Variants in MBLAC2 observed in about 807,000 individuals in gnomAD.
MBLAC2 encodes the protein metallo-beta-lactamase domain containing 2.
A neutral mutation model predicts 23.3 loss-of-function variants in MBLAC2; 24 were observed. The observed-to-expected ratio is 1.03, with a 90% confidence interval of 0.75 to 1.45. The LOEUF (loss-of-function observed/expected upper bound fraction) is 1.45. Among genes scored for constraint, MBLAC2 ranks in the 40% most tolerant of loss-of-function variants. The pLI, the probability that MBLAC2 is intolerant of heterozygous loss-of-function variation, is 0.00. For synonymous variants in MBLAC2, 162 were observed against 150.9 expected, an observed-to-expected ratio of 1.07 and a Z score of -0.54; for missense variants, 358 against 370.0, an observed-to-expected ratio of 0.97 and a Z score of 0.27.
At position 90,474,384 on chromosome 5, in the gene MBLAC2, G is replaced by A; in HGVS notation, c.-92C>T. 1 of 1,206,448 alleles carries A rather than the reference G, an allele frequency of 8.3e-7. No homozygotes were observed. The highest frequency in any genetic ancestry group is 1.2e-6 in the Non-Finnish European group (1 of 837,372). 74.7% of individuals were successfully genotyped at this position (1,206,448 alleles called of 1,614,324 possible). Reference sequence around the variant, plus strand: ...ACAGGGCACTGCGGCTGTGTGAAGCGGTCTGCCTGCAGCCAGGGAGGAGGC... The same window carrying A: ...ACAGGGCACTGCGGCTGTGTGAAGCAGTCTGCCTGCAGCCAGGGAGGAGGC... On this transcript the variant is annotated 5_prime_UTR_variant, in exon 1 of 2. Transcript: ENST00000316610.
At chr5:90,467,884 T>G (rs767982487) in intron 1 of MBLAC2, among the ~76,000 whole-genome samples, 74 of 152,212 alleles carry the variant, frequency 4.9e-4, no homozygotes, top group Non-Finnish European at 8.2e-4. Flanking sequence ...TTTTATCAGT[T>G]CTTGTAGTGA....
At chr5:90,472,993 ATTAT>A (rs1342358789) in intron 1 of MBLAC2, 13 of 152,330 alleles carry the variant, frequency 8.5e-5, no homozygotes, top group Non-Finnish European at 1.9e-4. Flanking sequence ...AATTAGCTCA[ATTAT>A]TTAAGTCCCT....
intron 1 of MBLAC2, chr5:90,473,357 G>A (rs1056605759): frequency 5.8e-6 from 2 of 344,632 alleles, no homozygotes; most frequent in African/African-American, 2.2e-5. Context: ...CTACAGGTGG[G>A]AACTGCCCAT....
intron 1 of MBLAC2, among the ~76,000 whole-genome samples, chr5:90,462,149 G>T (rs1750378536): frequency 1.3e-5 from 2 of 152,100 alleles, no homozygotes; most frequent in Admixed American, 6.6e-5. Flanking sequence ...CTTAATCTCT[G>T]ACCCAGGAAC....
chr5:90,474,491 C>A lies in MBLAC2; in HGVS notation c.-199G>T. 1.7e-6 allele frequency: 1 copy of A among 574,986 alleles called. No individual in the cohort carries two copies. The highest frequency in any genetic ancestry group is 2.2e-5 in the South Asian group (1 of 45,746). 35.6% of individuals were successfully genotyped at this position (574,986 alleles called of 1,614,324 possible). The stretch of plus-strand genomic sequence containing the variant: ...AGACCGACGCTGCCCGTAGCGTGCG[C>A]TCCCGCACCCTTCCGCCAGGTCGGC... On this transcript the variant is annotated 5_prime_UTR_variant, in exon 1 of 2. Coordinates refer to ENST00000316610, the MANE Select transcript of MBLAC2 (RefSeq NM_203406.2).
chr5:90,466,586 G>C (rs1750450300), intron 1 of MBLAC2, among the ~76,000 whole-genome samples: 1 of 152,068 alleles, frequency 6.6e-6, no homozygotes, highest in Non-Finnish European at 1.5e-5. Context: ...TTGGGAGAAG[G>C]TATTTGCAAA....
At chr5:90,467,078 A>G (rs1402863878) in intron 1 of MBLAC2, among the ~76,000 whole-genome samples, 1 of 152,222 alleles carries the variant, frequency 6.6e-6, no homozygotes, top group Non-Finnish European at 1.5e-5. Flanking sequence ...CAGAGGCTGC[A>G]GTGAGATTGC....
chr5:90,471,400 T>C (rs1313712336), intron 1 of MBLAC2, among the ~76,000 whole-genome samples: 41 of 152,114 alleles, frequency 2.7e-4, no homozygotes, highest in Admixed American at 2.7e-3. Flanking sequence ...CAAAATGATG[T>C]ATGCCCACTC....
chr5:90,466,162 T>C (rs1484196562), intron 1 of MBLAC2, among the ~76,000 whole-genome samples: 1 of 152,228 alleles, frequency 6.6e-6, no homozygotes, highest in Non-Finnish European at 1.5e-5. Context: ...TGTTACTGAC[T>C]AAATAGACAT....
At chr5:90,464,333 G>GC (rs1335078048) in intron 1 of MBLAC2, among the ~76,000 whole-genome samples, 1 of 152,154 alleles carries the variant, frequency 6.6e-6, no homozygotes, top group Non-Finnish European at 1.5e-5. Flanking sequence ...CAGCACTTTG[G>GC]CAACATGTGG....
chr5:90,470,755 C>G (rs1334823095), intron 1 of MBLAC2, among the ~76,000 whole-genome samples: 1 of 55,580 alleles, frequency 1.8e-5, no homozygotes, highest in Non-Finnish European at 3.9e-5. Context: ...CTAGCGCGCG[C>G]GCACACACAC....
At chr5:90,461,786 T>G (rs1750373402) in intron 1 of MBLAC2, among the ~76,000 whole-genome samples, 1 of 152,236 alleles carries the variant, frequency 6.6e-6, no homozygotes, top group Non-Finnish European at 1.5e-5. Flanking sequence ...CTACAGGCTA[T>G]CATGATACAT....
chr5:90,468,471 CTTGT>C (rs1308198519), intron 1 of MBLAC2, among the ~76,000 whole-genome samples: 5 of 151,794 alleles, frequency 3.3e-5, no homozygotes, highest in African/African-American at 1.2e-4. Flanking sequence ...CTTTCTTCTG[CTTGT>C]TTGATTCTAT....
chr5:90,460,900 C>T lies in MBLAC2; in HGVS notation c.*267G>A, dbSNP rs192477999. ...CTTGCCACAAAATCTCTCTTTGCTT[C>T]CCCATAAACCTTTATGTCATTTCTA... On this transcript the variant is annotated 3_prime_UTR_variant, in exon 2 of 2. Transcript: ENST00000316610. 5.4e-4 allele frequency: 153 copies of T among 283,254 alleles called. No homozygotes were observed. Among genetic ancestry groups the T allele is most frequent in the African/African-American group, 3.3e-3 (149 of 45,664 alleles). 17.5% of individuals were successfully genotyped at this position (283,254 alleles called of 1,614,324 possible). A position where few individuals can be genotyped will look rare whatever the true frequency, so the allele number is the denominator to read the frequency against.
rs1750320472 is a variant in MBLAC2, at chr5:90,459,453, T to C, written c.*1714A>G. Reference sequence around the variant, plus strand: ...TTATATTTTCACAAGGAATAGACTATTCTAGACTAGCAATGCTTATATCCC... The same window carrying C: ...TTATATTTTCACAAGGAATAGACTACTCTAGACTAGCAATGCTTATATCCC... On this transcript the variant is annotated 3_prime_UTR_variant, in exon 2 of 2. Coordinates refer to ENST00000316610, the MANE Select transcript of MBLAC2 (RefSeq NM_203406.2). The C allele has an allele frequency of 4.6e-5, 7 of 152,144 alleles. No homozygotes were observed. 9.4% of individuals were successfully genotyped at this position (152,144 alleles called of 1,614,324 possible).
rs1428091348 is a variant in MBLAC2 at position 90,460,919 on chromosome 5, A to G, written c.*248T>C. ...TTGCTTCCCCATAAACCTTTATGTC[A>G]TTTCTAGAGCATATATTACAAGATG... On this transcript the variant is annotated 3_prime_UTR_variant, in exon 2 of 2. Coordinates refer to ENST00000316610, the MANE Select transcript of MBLAC2 (RefSeq NM_203406.2). 5 of 345,164 alleles carry G rather than the reference A, an allele frequency of 1.4e-5. No individual in the cohort carries two copies. The highest frequency in any genetic ancestry group is 2.1e-5 in the African/African-American group (1 of 47,062). 21.4% of individuals were successfully genotyped at this position (345,164 alleles called of 1,614,324 possible).
chr5:90,470,392 C>G (rs1489900369), intron 1 of MBLAC2, among the ~76,000 whole-genome samples: 1 of 152,086 alleles, frequency 6.6e-6, no homozygotes, highest in Non-Finnish European at 1.5e-5. Context: ...GATGGATATT[C>G]TAAATAACCT....
chr5:90,470,858 T>C (rs1414411870), intron 1 of MBLAC2, among the ~76,000 whole-genome samples: 1 of 151,670 alleles, frequency 6.6e-6, no homozygotes, highest in Non-Finnish European at 1.5e-5. Context: ...ATCAAGAAAC[T>C]CCTTTGTTTT....
At chr5:90,473,640 T>A in intron 1 of MBLAC2, 199 bp downstream of exon 1, 1 of 697,488 alleles carries the variant, frequency 1.4e-6, no homozygotes, top group Non-Finnish European at 2.6e-6. Context: ...CCAGAGCTGG[T>A]CTCTGGCAGG....
Sources: gnomAD v4.1 joint callset for allele counts (sites outside exome capture counted in the v4.1 genomes callset) on GRCh38, gnomAD v4.1.1 for gene constraint, MANE v1.5 for transcripts, NCBI Gene and HGNC (gene_info 2026-07-23, HGNC 2026-07-21) for gene names.